PRKG1: variants seen among roughly 807,000 people sequenced by gnomAD.
PRKG1 encodes the protein cGMP-dependent protein kinase 1.
Under a neutral mutation model 88.1 loss-of-function variants are expected in PRKG1, and 35 were observed. That is an observed-to-expected ratio of 0.40 (90% CI 0.30 to 0.53). The LOEUF (loss-of-function observed/expected upper bound fraction) is 0.53, where lower values mean the gene tolerates loss of function less well. Ranked by LOEUF, PRKG1 falls within the 20% of genes least tolerant of loss-of-function variation. The pLI is 0.59. For synonymous variants in PRKG1, 303 were observed against 292.5 expected, an observed-to-expected ratio of 1.04 and a Z score of -0.37; for missense variants, 540 against 839.8, an observed-to-expected ratio of 0.64 and a Z score of 4.41.
chr10:51,071,541 T>C (rs1843826279), upstream of PRKG1, among the ~76,000 whole-genome samples: 1 of 152,202 alleles, frequency 6.6e-6, no homozygotes, highest in Non-Finnish European at 1.5e-5. Flanking sequence ...TGACTCTCAA[T>C]ATCAGATTCA....
intron 4 of PRKG1, among the ~76,000 whole-genome samples, chr10:51,817,354 C>A (rs906190706): frequency 1.6e-4 from 24 of 148,950 alleles, no homozygotes; most frequent in Admixed American, 1.0e-3. Context: ...CCAACCCCCC[C>A]CCTCCCCTGA....
At chr10:51,593,003 T>G (rs1185799520) in intron 3 of PRKG1, among the ~76,000 whole-genome samples, 2 of 152,356 alleles carry the variant, frequency 1.3e-5, no homozygotes, top group East Asian at 3.9e-4. Flanking sequence ...GTCATCACTA[T>G]CAATTTAAAA....
intron 3 of PRKG1, among the ~76,000 whole-genome samples, chr10:51,564,088 A>T (rs1837537537): frequency 6.6e-6 from 1 of 152,110 alleles, no homozygotes; most frequent in Admixed American, 6.6e-5. Context: ...ACTATTTTTA[A>T]TTATATTCTG....
In PRKG1 at chr10:52,187,582, T is replaced by A. The variant is rs117484001; in HGVS notation, c.1076+25619T>A. On this transcript the variant is annotated intron_variant, in intron 9 of 17. Coordinates refer to ENST00000373980, the MANE Select transcript of PRKG1 (RefSeq NM_006258.4). ...CTCTCCAAATCGCAGCATTTTTACA[T>A]TACAAGTTCTGTCAACATGGTTTCA... Among the ~76,000 whole-genome samples, 40 of 152,340 alleles carry A rather than the reference T, an allele frequency of 2.6e-4. No individual in the cohort carries two copies. The East Asian group carries it at 7.3e-3, about 28-fold the overall frequency.
intron 2 of PRKG1, among the ~76,000 whole-genome samples, chr10:51,196,288 C>T (rs10740166): frequency 0.62 from 94,237 of 151,996 alleles, 30,486 homozygotes; most frequent in African/African-American, 0.83. Context: ...GGAAGAATTG[C>T]ATGTATTTGA....
intron 2 of PRKG1, among the ~76,000 whole-genome samples, chr10:51,418,209 A>C (rs1397999924): frequency 6.6e-6 from 1 of 152,194 alleles, no homozygotes; most frequent in African/African-American, 2.4e-5. Flanking sequence ...GAGCTCCTCC[A>C]GTTTTTTAGT....
chr10:51,316,409 C>T (rs561119052), intron 2 of PRKG1, among the ~76,000 whole-genome samples: 230 of 152,246 alleles, frequency 1.5e-3, no homozygotes, highest in African/African-American at 5.3e-3. Context: ...TGGGACGGGG[C>T]GCAGTGGCTC....
At position 52,297,159 on chromosome 10, in the gene PRKG1, T is replaced by A. The variant is rs1272063381; in HGVS notation, c.*3259T>A. ...TAAATAGGTATTTTTGTGTGATATTTTGTGGTACATATAACTTTTTTTAGT... is the reference window on the plus strand; with the variant it reads ...TAAATAGGTATTTTTGTGTGATATTATGTGGTACATATAACTTTTTTTAGT... On this transcript the variant is annotated 3_prime_UTR_variant, in exon 18 of 18. Coordinates refer to ENST00000373980, the MANE Select transcript of PRKG1 (RefSeq NM_006258.4). The A allele has an allele frequency of 2.0e-5, 3 of 152,192 alleles. No individual in the cohort carries two copies. Among genetic ancestry groups the A allele is most frequent in the African/African-American group, 7.2e-5 (3 of 41,468 alleles). 9.4% of individuals were successfully genotyped at this position (152,192 alleles called of 1,614,324 possible). A position where few individuals can be genotyped will look rare whatever the true frequency, so the allele number is the denominator to read the frequency against.
At position 52,192,430 on chromosome 10, in the gene PRKG1, T is replaced by C. The variant is rs139033809; in HGVS notation, c.1076+30467T>C. Reference sequence around the variant, plus strand: ...AGATAATAATTTTTTAAAATAAATATATTATTTAACTCACAGTATGCTCTA... The same window carrying C: ...AGATAATAATTTTTTAAAATAAATACATTATTTAACTCACAGTATGCTCTA... On this transcript the variant is annotated intron_variant, in intron 9 of 17. Coordinates refer to ENST00000373980, the MANE Select transcript of PRKG1 (RefSeq NM_006258.4). Among the ~76,000 whole-genome samples, 671 of 152,232 alleles carry C rather than the reference T, an allele frequency of 4.4e-3. 3 individuals are homozygous for C. Among genetic ancestry groups the C allele is most frequent in the Non-Finnish European group, 6.7e-3 (459 of 68,006 alleles).
intron 1 of PRKG1, among the ~76,000 whole-genome samples, chr10:51,150,902 A>T (rs1188172780): frequency 6.6e-6 from 1 of 152,032 alleles, no homozygotes. Flanking sequence ...ATGAGAGGGG[A>T]GAAAGCGACT....
At chr10:52,090,257 T>A (rs7902726) in intron 7 of PRKG1, among the ~76,000 whole-genome samples, 23,976 of 151,932 alleles carry the variant, frequency 0.16, 2,169 homozygotes, top group Middle Eastern at 0.21. Flanking sequence ...ATTTTTTTTT[T>A]AAATGGCTAC....
chr10:51,750,343 T>A (rs537831861), intron 3 of PRKG1, among the ~76,000 whole-genome samples: 1 of 152,286 alleles, frequency 6.6e-6, no homozygotes, highest in Non-Finnish European at 1.5e-5. Flanking sequence ...ATTTTTTGCA[T>A]GTGGACATAA....
intron 11 of PRKG1, 36 bp from the exon 12 acceptor site, chr10:52,272,356 G>A: frequency 6.7e-7 from 1 of 1,489,056 alleles, no homozygotes; most frequent in Non-Finnish European, 9.3e-7. Context: ...AGACAGTAAT[G>A]TTTATAATCT....
intron 1 of PRKG1, among the ~76,000 whole-genome samples, chr10:51,087,017 A>G (rs1263760777): frequency 6.6e-6 from 1 of 152,186 alleles, no homozygotes; most frequent in Non-Finnish European, 1.5e-5. Context: ...AACCCTTGCT[A>G]GTGAGTTTTT....
intron 9 of PRKG1, among the ~76,000 whole-genome samples, chr10:52,202,692 G>T: frequency 6.6e-6 from 1 of 151,328 alleles, no homozygotes; most frequent in Middle Eastern, 3.4e-3. Flanking sequence ...TTTTATTACT[G>T]ATTTAATTTT....
chr10:51,571,036 C>T (rs1837739248), intron 3 of PRKG1, among the ~76,000 whole-genome samples: 1 of 151,870 alleles, frequency 6.6e-6, no homozygotes, highest in African/African-American at 2.4e-5. Context: ...GGTGAGACTG[C>T]CAGAGTTTGA....
At chr10:51,294,306 A>G (rs1042035900) in intron 2 of PRKG1, among the ~76,000 whole-genome samples, 4 of 152,088 alleles carry the variant, frequency 2.6e-5, no homozygotes, top group Non-Finnish European at 5.9e-5. Context: ...TAATTTCAAG[A>G]AGCTTGTTTC....
At chr10:52,113,701 T>G (rs1190942492) in intron 7 of PRKG1, among the ~76,000 whole-genome samples, 2 of 152,136 alleles carry the variant, frequency 1.3e-5, no homozygotes, top group East Asian at 3.9e-4. Context: ...AAATGATCAT[T>G]GTAAGTCTCA....
At chr10:51,680,290 A>T (rs928969007) in intron 3 of PRKG1, among the ~76,000 whole-genome samples, 15 of 151,958 alleles carry the variant, frequency 9.9e-5, no homozygotes, top group African/African-American at 2.9e-4. Flanking sequence ...AGTATAATAA[A>T]AAAAAAAAAG....
Sources: allele counts gnomAD v4.1 joint callset (sites outside exome capture counted in the v4.1 genomes callset), GRCh38; gene constraint gnomAD v4.1.1; transcripts MANE v1.5; gene names NCBI Gene and HGNC (gene_info 2026-07-23, HGNC 2026-07-21).